SLC5A4: variants seen among roughly 807,000 people sequenced by gnomAD.
The protein encoded by SLC5A4 is solute carrier family 5 member 4.
In SLC5A4, 55 loss-of-function variants were observed where a neutral mutation model predicts 70.3. The ratio of observed to expected loss-of-function variants is 0.78; its 90% CI spans 0.63 to 0.98. The LOEUF (loss-of-function observed/expected upper bound fraction) is 0.98. Ranked by LOEUF, SLC5A4 falls within the 50% of genes least tolerant of loss-of-function variation. The pLI is 0.00. For missense variants in SLC5A4, 735 were observed against 839.2 expected, an observed-to-expected ratio of 0.88 and a Z score of 1.53; for synonymous variants, 268 against 305.7, an observed-to-expected ratio of 0.88 and a Z score of 1.29.
intron 5 of SLC5A4, among the ~76,000 whole-genome samples, chr22:32,242,480 C>T (rs1391127639): frequency 3.9e-5 from 6 of 152,210 alleles, no homozygotes; most frequent in East Asian, 3.9e-4. Context: ...GAGGCCAAGG[C>T]GGGCAGATCA....
chr22:32,244,023 G>A (rs1352072954), intron 5 of SLC5A4, among the ~76,000 whole-genome samples: 1 of 152,160 alleles, frequency 6.6e-6, no homozygotes, highest in Non-Finnish European at 1.5e-5. Context: ...AGAAACAGGT[G>A]TAGCAGGAGA....
At chr22:32,318,101 C>T in the SLC5A4 span, among the ~76,000 whole-genome samples, 1 of 152,054 alleles carries the variant, frequency 6.6e-6, no homozygotes, top group East Asian at 1.9e-4. Context: ...CTCTCCTGGT[C>T]CTCCTCCTCC....
At chr22:32,224,118 CA>C in intron 13 of SLC5A4, 148 bp downstream of exon 13, 1 of 620,024 alleles carries the variant, frequency 1.6e-6, no homozygotes, top group South Asian at 1.9e-5. Context: ...GACAAGGTTT[CA>C]CCGTGTTAAC....
chr22:32,349,984 GC>G, the SLC5A4 span, among the ~76,000 whole-genome samples: 23 of 151,790 alleles, frequency 1.5e-4, no homozygotes, highest in African/African-American at 5.1e-4. Flanking sequence ...TCTGATGCCC[GC>G]CCTCAACAAA....
the SLC5A4 span, among the ~76,000 whole-genome samples, chr22:32,318,658 G>C: frequency 2.0e-5 from 3 of 152,110 alleles, no homozygotes; most frequent in Non-Finnish European, 4.4e-5. Context: ...TCTTGCAGTG[G>C]GTGTCTGTGC....
chr22:32,334,982 G>T, the SLC5A4 span, among the ~76,000 whole-genome samples: 3 of 152,232 alleles, frequency 2.0e-5, no homozygotes, highest in African/African-American at 7.2e-5. Flanking sequence ...GAGGCTCAGA[G>T]AAGGGACGCT....
At chr22:32,229,792 A>G (rs985284223) in intron 10 of SLC5A4, among the ~76,000 whole-genome samples, 6 of 152,230 alleles carry the variant, frequency 3.9e-5, no homozygotes, top group Admixed American at 3.9e-4. Flanking sequence ...TGACTTAAAG[A>G]GTGTAATTGA....
chr22:32,284,602 T>G, the SLC5A4 span: 52,904 of 152,054 alleles, frequency 0.35, 9,358 homozygotes, highest in East Asian at 0.41. Context: ...GTGACTGAGT[T>G]CTAAGAAGAA....
the SLC5A4 span, among the ~76,000 whole-genome samples, chr22:32,328,087 C>T: frequency 1.5e-5 from 2 of 135,164 alleles, no homozygotes; most frequent in Non-Finnish European, 3.5e-5. Flanking sequence ...ACCAGAGCCC[C>T]CAACACACAA....
chr22:32,245,465 A>G (rs62239055), intron 5 of SLC5A4, among the ~76,000 whole-genome samples: 1,525 of 152,190 alleles, frequency 0.01, 8 homozygotes, highest in South Asian at 0.018. Flanking sequence ...TTCACTGTGC[A>G]TTGTCCTCTG....
At chr22:32,281,384 C>T in the SLC5A4 span, among the ~76,000 whole-genome samples, 4 of 152,132 alleles carry the variant, frequency 2.6e-5, no homozygotes, top group Non-Finnish European at 5.9e-5. Context: ...GGGGAGGAGC[C>T]AAAGCATGTG....
intron 8 of SLC5A4, 73 bp downstream of exon 8, chr22:32,234,800 A>G: frequency 9.3e-7 from 1 of 1,079,652 alleles, no homozygotes; most frequent in Non-Finnish European, 1.4e-6. Context: ...ACAAGAAAGA[A>G]CAAGCACATG....
the SLC5A4 span, among the ~76,000 whole-genome samples, chr22:32,329,853 G>A: frequency 1.1e-4 from 6 of 54,748 alleles, no homozygotes; most frequent in African/African-American, 4.0e-4. Context: ...TGTGTGTTGG[G>A]GGCTCTGGTG....
At chr22:32,302,314 A>G in the SLC5A4 span, among the ~76,000 whole-genome samples, 1 of 140,764 alleles carries the variant, frequency 7.1e-6, no homozygotes, top group Non-Finnish European at 1.5e-5. Flanking sequence ...TTTTTTTTTT[A>G]CAGTCTGTAG....
At chr22:32,276,781 A>G in the SLC5A4 span, 2 of 152,194 alleles carry the variant, frequency 1.3e-5, no homozygotes, top group Non-Finnish European at 2.9e-5. Context: ...ACTGATTGAA[A>G]TGACTGAACT....
chr22:32,350,932 G>C, the SLC5A4 span, among the ~76,000 whole-genome samples: 1 of 151,278 alleles, frequency 6.6e-6, no homozygotes, highest in Admixed American at 6.6e-5. Flanking sequence ...TCATAACAAA[G>C]GTAGTAACAT....
At chr22:32,278,076 A>T in the SLC5A4 span, among the ~76,000 whole-genome samples, 1 of 152,154 alleles carries the variant, frequency 6.6e-6, no homozygotes, top group African/African-American at 2.4e-5. Context: ...ATGGGACTAC[A>T]AGAACTCCCT....
chr22:32,322,183 G>A, the SLC5A4 span, among the ~76,000 whole-genome samples: 1,917 of 152,266 alleles, frequency 0.013, 32 homozygotes, highest in African/African-American at 0.043. Flanking sequence ...TCGACCATGA[G>A]GCTGAAAAGC....
chr22:32,302,809 T>C, the SLC5A4 span, among the ~76,000 whole-genome samples: 6 of 152,234 alleles, frequency 3.9e-5, no homozygotes, highest in African/African-American at 7.2e-5. Flanking sequence ...GCTATTCTTG[T>C]CCTTTGCTTT....
Sources: allele counts gnomAD v4.1 joint callset (sites outside exome capture counted in the v4.1 genomes callset), GRCh38; gene constraint gnomAD v4.1.1; transcripts MANE v1.5; gene names NCBI Gene and HGNC (gene_info 2026-07-23, HGNC 2026-07-21).